MEGF11: variants seen among roughly 807,000 people sequenced by gnomAD.
The protein encoded by MEGF11 is multiple epidermal growth factor-like domains protein 11.
Under a neutral mutation model 146.6 loss-of-function variants are expected in MEGF11, and 126 were observed. The observed-to-expected ratio is 0.86, with a 90% confidence interval of 0.74 to 1.00. The LOEUF (loss-of-function observed/expected upper bound fraction) is 1.00. Ranked by LOEUF, MEGF11 falls within the 50% of genes least tolerant of loss-of-function variation. MEGF11 has a pLI of 0.00. For synonymous variants in MEGF11, 532 were observed against 583.4 expected (o/e 0.91, Z 1.27); for missense variants, 1,509 against 1,521.2 (o/e 0.99, Z 0.13).
intron 1 of MEGF11, among the ~76,000 whole-genome samples, chr15:66,207,351 A>G (rs2091326492): frequency 6.6e-6 from 1 of 152,238 alleles, no homozygotes; most frequent in African/African-American, 2.4e-5. Flanking sequence ...TGAGATTATC[A>G]GCTGTTTTCT....
chr15:66,111,304 G>T (rs961660635), intron 4 of MEGF11, among the ~76,000 whole-genome samples: 2 of 152,218 alleles, frequency 1.3e-5, no homozygotes, highest in African/African-American at 4.8e-5. Context: ...ACAGGGGTTG[G>T]TTATAAAGCC....
chr15:66,158,760 T>G (rs961952554), intron 1 of MEGF11, among the ~76,000 whole-genome samples: 6 of 152,178 alleles, frequency 3.9e-5, no homozygotes, highest in African/African-American at 1.2e-4. Context: ...GGCTCTCAAA[T>G]ATCTCCTTCA....
At chr15:65,998,414 G>C (rs2141819294) in intron 5 of MEGF11, among the ~76,000 whole-genome samples, 1 of 152,334 alleles carries the variant, frequency 6.6e-6, no homozygotes, top group South Asian at 2.1e-4. Context: ...AGGAGGAGCA[G>C]TTGGGGCAGC....
intron 1 of MEGF11, among the ~76,000 whole-genome samples, chr15:66,220,966 A>G (rs776351401): frequency 1.3e-5 from 2 of 152,128 alleles, no homozygotes; most frequent in Non-Finnish European, 2.9e-5. Context: ...AAACTGGGGA[A>G]ATGGAAGTAA....
intron 1 of MEGF11, among the ~76,000 whole-genome samples, chr15:66,199,856 C>T (rs1394103159): frequency 6.6e-6 from 1 of 152,058 alleles, no homozygotes; most frequent in African/African-American, 2.4e-5. Context: ...TGAAATATTA[C>T]ATAATATAGT....
chr15:66,238,648 A>G (rs1039172470), intron 1 of MEGF11, among the ~76,000 whole-genome samples: 2 of 152,238 alleles, frequency 1.3e-5, no homozygotes, highest in Non-Finnish European at 1.5e-5. Flanking sequence ...GATAGGTTCT[A>G]TCATAACCCT....
At chr15:66,162,853 G>A (rs532178126) in intron 1 of MEGF11, among the ~76,000 whole-genome samples, 56 of 148,244 alleles carry the variant, frequency 3.8e-4, no homozygotes, top group Non-Finnish European at 6.9e-4. Context: ...AGAAATGAGA[G>A]AGAAAAAAAA....
intron 5 of MEGF11, among the ~76,000 whole-genome samples, chr15:66,040,040 C>G (rs1020557155): frequency 2.0e-5 from 3 of 152,072 alleles, no homozygotes; most frequent in Admixed American, 2.0e-4. Context: ...ATCCCTACCT[C>G]GTAGCAAGTG....
chr15:65,930,944 C>T lies in MEGF11; in HGVS notation c.1288-1G>A. 6.3e-7 allele frequency: 1 copy of T among 1,578,160 alleles called. No homozygotes were observed. The highest frequency in any genetic ancestry group is 8.6e-7 in the Non-Finnish European group (1 of 1,157,094). ...CACAGGAAACGGCACAGACCTCTCCCTGGAAAGGGAGGGGGTGAATTTTGG... is the reference window on the plus strand; with the variant it reads ...CACAGGAAACGGCACAGACCTCTCCTTGGAAAGGGAGGGGGTGAATTTTGG... On this transcript the variant is annotated splice_acceptor_variant, in intron 10 of 25. Transcript: ENST00000395614. LOFTEE classifies it high-confidence loss of function.
chr15:66,099,103 G>A (rs1011053963), intron 4 of MEGF11, among the ~76,000 whole-genome samples: 8 of 152,076 alleles, frequency 5.3e-5, no homozygotes, highest in Non-Finnish European at 7.3e-5. Flanking sequence ...GGACATTAAC[G>A]GCCAAACACT....
At chr15:65,998,269 G>A (rs1460366479) in intron 5 of MEGF11, among the ~76,000 whole-genome samples, 1 of 152,118 alleles carries the variant, frequency 6.6e-6, no homozygotes, top group Admixed American at 6.5e-5. Context: ...GTGCCTGCTC[G>A]CTTAGAATGA....
At chr15:66,116,963 C>T (rs1180064006) in intron 4 of MEGF11, among the ~76,000 whole-genome samples, 6 of 152,196 alleles carry the variant, frequency 3.9e-5, no homozygotes, top group African/African-American at 1.2e-4. Flanking sequence ...AGCCTGGATT[C>T]AAATCCAAGT....
intron 1 of MEGF11, among the ~76,000 whole-genome samples, chr15:66,201,602 C>T (rs893611675): frequency 1.3e-5 from 2 of 151,922 alleles, no homozygotes; most frequent in Non-Finnish European, 2.9e-5. Context: ...ATGATGGCAC[C>T]TCTCCCTGCC....
At chr15:66,037,191 C>G (rs2083757720) in intron 5 of MEGF11, among the ~76,000 whole-genome samples, 1 of 152,178 alleles carries the variant, frequency 6.6e-6, no homozygotes, top group Admixed American at 6.5e-5. Context: ...CCAGCCCTCC[C>G]ATTACACCCC....
At chr15:66,166,278 T>G (rs2141095477) in intron 1 of MEGF11, among the ~76,000 whole-genome samples, 1 of 152,228 alleles carries the variant, frequency 6.6e-6, no homozygotes, top group Admixed American at 6.5e-5. Context: ...GATTCCTCTC[T>G]CTTTCCCACA....
intron 4 of MEGF11, among the ~76,000 whole-genome samples, chr15:66,111,250 T>C (rs2087385608): frequency 6.6e-6 from 1 of 152,016 alleles, no homozygotes; most frequent in South Asian, 2.1e-4. Context: ...ATTATTATGG[T>C]CGAAAGTTAG....
chr15:65,974,680 A>G (rs1217951815), intron 7 of MEGF11, among the ~76,000 whole-genome samples: 8 of 152,040 alleles, frequency 5.3e-5, no homozygotes, highest in Admixed American at 5.2e-4. Context: ...AAGTCAGAGT[A>G]GGGGTCCTTC....
At position 66,016,235 on chromosome 15, in the gene MEGF11, A is replaced by G. The variant is rs760296637; in HGVS notation, c.395-33747T>C. Reference sequence around the variant, plus strand: ...GTGGTTTATTTTCTTTCAATGATCAATTAGGATCATTTATAGAAGAGGATC... The same window carrying G: ...GTGGTTTATTTTCTTTCAATGATCAGTTAGGATCATTTATAGAAGAGGATC... On this transcript the variant is annotated intron_variant, in intron 5 of 25. Coordinates refer to ENST00000395614, the MANE Select transcript of MEGF11 (RefSeq NM_001385028.1). Among the ~76,000 whole-genome samples, 7 of 152,196 alleles carry G rather than the reference A, an allele frequency of 4.6e-5. No individual in the cohort carries two copies. In the South Asian group the frequency reaches 8.3e-4, roughly 18 times the overall value.
chr15:66,138,675 C>T (rs1232023717), intron 1 of MEGF11, among the ~76,000 whole-genome samples: 1 of 152,296 alleles, frequency 6.6e-6, no homozygotes, highest in East Asian at 1.9e-4. Context: ...CCAGCTCTGC[C>T]TCTTACCAAC....
Sources: gnomAD v4.1 joint callset for allele counts (sites outside exome capture counted in the v4.1 genomes callset) on GRCh38, gnomAD v4.1.1 for gene constraint, MANE v1.5 for transcripts, NCBI Gene and HGNC (gene_info 2026-07-23, HGNC 2026-07-21) for gene names.